AGMO: variants seen among roughly 807,000 people sequenced by gnomAD.
AGMO encodes the protein alkylglycerol monooxygenase, also known as glyceryl-ether monooxygenase.
AGMO carries 75 observed loss-of-function variants against 60.2 expected under a neutral mutation model. That is an observed-to-expected ratio of 1.25 (90% CI 1.03 to 1.51). The LOEUF (loss-of-function observed/expected upper bound fraction) is 1.51. Ranked by LOEUF, AGMO falls within the 40% of genes most tolerant of loss-of-function variation. The pLI is 0.00. For synonymous variants in AGMO, 261 were observed against 177.1 expected, an observed-to-expected ratio of 1.47 and a Z score of -3.76; for missense variants, 763 against 525.5, an observed-to-expected ratio of 1.45 and a Z score of -4.42.
In AGMO at chr7:15,208,636, A is replaced by T. The variant is rs539263325; in HGVS notation, c.1264-7277T>A. ...GGGCAAACCATTCAAAATAACCTGC[A>T]CCCATGCTCTGAAAACTATGATAGC... On this transcript the variant is annotated intron_variant, in intron 12 of 12. Coordinates refer to ENST00000342526, the MANE Select transcript of AGMO (RefSeq NM_001004320.2). 2.0e-5 allele frequency among the ~76,000 whole-genome samples: 3 copies of T among 152,268 alleles called. No individual in the cohort carries two copies. In the South Asian group the frequency reaches 6.2e-4, roughly 32 times the overall value.
At chr7:15,297,081 C>A (rs1310451805) in intron 12 of AGMO, among the ~76,000 whole-genome samples, 3 of 152,076 alleles carry the variant, frequency 2.0e-5, no homozygotes. Context: ...CACACAGACA[C>A]AATCAGTACA....
At chr7:15,131,674 A>G in the AGMO span, among the ~76,000 whole-genome samples, 11 of 152,022 alleles carry the variant, frequency 7.2e-5, no homozygotes, top group Admixed American at 3.3e-4. Context: ...GGGGCAATTT[A>G]TAAATGTAGG....
chr7:15,119,522 T>C, the AGMO span, among the ~76,000 whole-genome samples: 1 of 152,190 alleles, frequency 6.6e-6, no homozygotes, highest in African/African-American at 2.4e-5. Flanking sequence ...ATCATAAACA[T>C]TTCCTTGCAT....
intron 3 of AGMO, among the ~76,000 whole-genome samples, chr7:15,499,192 A>C (rs1783313779): frequency 1.3e-5 from 2 of 151,894 alleles, no homozygotes; most frequent in African/African-American, 2.4e-5. Context: ...AAGTAAGCTT[A>C]AGAGCAATGT....
chr7:15,358,675 T>C (rs1782636691), intron 12 of AGMO, among the ~76,000 whole-genome samples: 1 of 152,158 alleles, frequency 6.6e-6, no homozygotes, highest in African/African-American at 2.4e-5. Context: ...AACCCACTCC[T>C]AGATAACTCA....
At chr7:15,452,472 G>A (rs547120443) in intron 3 of AGMO, among the ~76,000 whole-genome samples, 6 of 152,070 alleles carry the variant, frequency 3.9e-5, no homozygotes, top group Non-Finnish European at 7.4e-5. Context: ...TGTTCAGTAA[G>A]CACATAAAAA....
the AGMO span, among the ~76,000 whole-genome samples, chr7:15,131,119 C>G: frequency 6.6e-6 from 1 of 151,912 alleles, no homozygotes. Flanking sequence ...AAACATATAT[C>G]AGAAGGAGGC....
intron 12 of AGMO, among the ~76,000 whole-genome samples, chr7:15,242,504 A>G (rs1782620640): frequency 6.6e-6 from 1 of 152,198 alleles, no homozygotes; most frequent in Non-Finnish European, 1.5e-5. Context: ...GGAAGAATAC[A>G]AAAGATTGGT....
chr7:15,345,107 C>T (rs1398695651), intron 12 of AGMO, among the ~76,000 whole-genome samples: 1 of 152,102 alleles, frequency 6.6e-6, no homozygotes, highest in Non-Finnish European at 1.5e-5. Flanking sequence ...TTACAAAACA[C>T]AAAAATGCAA....
chr7:15,159,740 T>C, the AGMO span, among the ~76,000 whole-genome samples: 1 of 152,214 alleles, frequency 6.6e-6, no homozygotes, highest in Non-Finnish European at 1.5e-5. Context: ...ACTTTGCTAA[T>C]TTGTGAATTC....
the AGMO span, among the ~76,000 whole-genome samples, chr7:15,171,138 C>T: frequency 7.7e-4 from 117 of 152,188 alleles, no homozygotes; most frequent in East Asian, 7.6e-3. Flanking sequence ...CCCGCCACCA[C>T]GCCTGGCTAA....
chr7:15,556,219 G>GTTTTTTTT (rs71004394), intron 2 of AGMO, among the ~76,000 whole-genome samples: 3 of 91,498 alleles, frequency 3.3e-5, no homozygotes, highest in African/African-American at 1.2e-4. Context: ...CTCCTTTTTA[G>GTTTTTTTT]TTTTTTTTTT....
At chr7:15,235,239 T>C (rs1408295704) in intron 12 of AGMO, among the ~76,000 whole-genome samples, 1 of 152,144 alleles carries the variant, frequency 6.6e-6, no homozygotes, top group Non-Finnish European at 1.5e-5. Flanking sequence ...ACTCTCACTG[T>C]ATTGAAATTA....
chr7:15,261,526 CA>C (rs1034268605), intron 12 of AGMO, among the ~76,000 whole-genome samples: 2 of 151,608 alleles, frequency 1.3e-5, no homozygotes, highest in Admixed American at 1.3e-4. Context: ...TGTCAACACA[CA>C]AAAAAAGTCC....
chr7:15,331,277 T>A (rs1781491787), intron 12 of AGMO, among the ~76,000 whole-genome samples: 1 of 152,158 alleles, frequency 6.6e-6, no homozygotes, highest in Admixed American at 6.5e-5. Flanking sequence ...TCCTAATCAA[T>A]AGAAGCTGTG....
intron 12 of AGMO, among the ~76,000 whole-genome samples, chr7:15,271,146 A>G (rs1224948331): frequency 6.6e-6 from 1 of 152,086 alleles, no homozygotes; most frequent in African/African-American, 2.4e-5. Flanking sequence ...TGCTTTGGCT[A>G]TTTTGGCTCT....
At chr7:15,149,834 C>A in the AGMO span, among the ~76,000 whole-genome samples, 4 of 151,730 alleles carry the variant, frequency 2.6e-5, no homozygotes, top group Non-Finnish European at 5.9e-5. Flanking sequence ...GAATAGTTTT[C>A]CTTAATTCTG....
chr7:15,262,489 AAACC>A (rs1783301872), intron 12 of AGMO, among the ~76,000 whole-genome samples: 1 of 151,960 alleles, frequency 6.6e-6, no homozygotes, highest in Non-Finnish European at 1.5e-5. Context: ...TAACACAAAC[AAACC>A]CCATGCTCAC....
chr7:15,529,556 A>T (rs369724680), intron 3 of AGMO, among the ~76,000 whole-genome samples: 201 of 55,010 alleles, frequency 3.7e-3, no homozygotes, highest in African/African-American at 0.013. Flanking sequence ...ATATATATAG[A>T]ATATATATTC....
Sources: allele counts gnomAD v4.1 joint callset (sites outside exome capture counted in the v4.1 genomes callset), GRCh38; gene constraint gnomAD v4.1.1; transcripts MANE v1.5; gene names NCBI Gene and HGNC (gene_info 2026-07-23, HGNC 2026-07-21).